The following JAKMIP1 variants were observed in gnomAD, a reference collection of about 807,000 sequenced individuals.
JAKMIP1 encodes the protein janus kinase and microtubule interacting protein 1.
Under a neutral mutation model 113.0 loss-of-function variants are expected in JAKMIP1, and 33 were observed. That is an observed-to-expected ratio of 0.29 (90% confidence interval 0.22 to 0.39). The LOEUF is 0.39. Among genes scored for constraint, JAKMIP1 ranks in the 10% least tolerant of loss-of-function variants. The pLI, the probability that JAKMIP1 is intolerant of heterozygous loss-of-function variation, is 1.00. For missense variants in JAKMIP1, 813 were observed against 1,080.5 expected, an observed-to-expected ratio of 0.75 and a Z score of 3.47; for synonymous variants, 480 against 459.9, an observed-to-expected ratio of 1.04 and a Z score of -0.56.
At chr4:6,174,998 G>A (rs10003900) in intron 1 of JAKMIP1, among the ~76,000 whole-genome samples, 147,230 of 152,220 alleles carry the variant, frequency 0.97, 71,393 homozygotes, top group East Asian at 1. Context: ...ACAGTAAAAC[G>A]TATCCACAGG....
rs1166147089 is a variant in JAKMIP1 at position 6,116,207 on chromosome 4, G to A, written c.-147-3210C>T. ...CCATGGACACACTGTTGATAGTCCCGACGCTCACAGCACCACACAGCATCA... is the reference window on the plus strand; with the variant it reads ...CCATGGACACACTGTTGATAGTCCCAACGCTCACAGCACCACACAGCATCA... On this transcript the variant is annotated intron_variant, in intron 1 of 20. Transcript: ENST00000409021. The surrounding 1 kb of genome is among the most constrained non-coding windows in gnomAD (Gnocchi z 5.1). Among the ~76,000 whole-genome samples, 2 of 152,048 alleles carry A rather than the reference G, an allele frequency of 1.3e-5. No individual in the cohort carries two copies. Among genetic ancestry groups the A allele is most frequent in the East Asian group, 1.9e-4 (1 of 5,178 alleles).
chr4:6,141,226 A>G lies in JAKMIP1; in HGVS notation c.-147-28229T>C, dbSNP rs1720103284. 6.6e-6 allele frequency among the ~76,000 whole-genome samples: 1 copy of G among 152,204 alleles called. No individual in the cohort carries two copies. On this transcript the variant is annotated intron_variant, in intron 1 of 20. Transcript: ENST00000409021. This position sits in a 1 kb window ranked among gnomAD's most constrained non-coding sequence, Gnocchi z 9.4. Reference sequence around the variant, plus strand: ...TGAGGCAGGCAGATCACTTGAGCCCAGGAATTCGAGACCAGCCTGGCCAAC... The same window carrying G: ...TGAGGCAGGCAGATCACTTGAGCCCGGGAATTCGAGACCAGCCTGGCCAAC...
rs1343179960 is a variant in JAKMIP1, at chr4:6,186,695, G to A, written c.-148+13558C>T. On this transcript the variant is annotated intron_variant, in intron 1 of 20. Coordinates refer to ENST00000409021, the MANE Select transcript of JAKMIP1 (RefSeq NM_001099433.2). The surrounding 1 kb of genome is among the most constrained non-coding windows in gnomAD (Gnocchi z 5.5). ...TAGGTTTCCACTAGGTCTAATTGGT[G>A]TGCAGTGTTGTTCAAGTTCCCTGCT... is the stretch of plus-strand genomic sequence containing the variant. Among the ~76,000 whole-genome samples, 1 of 152,196 alleles carries A rather than the reference G, an allele frequency of 6.6e-6. No homozygotes were observed. Among genetic ancestry groups the A allele is most frequent in the Non-Finnish European group, 1.5e-5 (1 of 68,026 alleles).
chr4:6,120,336 AATATGCTTCCT>A (rs1716528258), intron 1 of JAKMIP1, among the ~76,000 whole-genome samples: 1 of 152,208 alleles, frequency 6.6e-6, no homozygotes, highest in Non-Finnish European at 1.5e-5. Context: ...CAGGCGCAGT[AATATGCTTCCT>A]GGAAATTTAT....
chr4:6,196,957 C>T (rs570052471), intron 1 of JAKMIP1, among the ~76,000 whole-genome samples: 23 of 152,202 alleles, frequency 1.5e-4, no homozygotes, highest in African/African-American at 5.3e-4. Context: ...GGTCAGTGTG[C>T]TCCGTGGGGC....
rs1159124728 is a variant in JAKMIP1 at position 6,059,306 on chromosome 4, A to G, written c.1644+1118T>C. Among the ~76,000 whole-genome samples the G allele has an allele frequency of 6.6e-6, 1 of 152,172 alleles. No homozygotes were observed. Among genetic ancestry groups the G allele is most frequent in the Non-Finnish European group, 1.5e-5 (1 of 68,012 alleles). ...CCGCCTCCATGGGAACCTCAGTCTC[A>G]ACCCCGAGCCCTGCGGCAGCCATTC... On this transcript the variant is annotated intron_variant, in intron 11 of 20. Transcript: ENST00000409021. This position sits in a 1 kb window ranked among gnomAD's most constrained non-coding sequence, Gnocchi z 4.8.
rs1328279091 is a variant in JAKMIP1 at position 6,138,111 on chromosome 4, C to A, written c.-147-25114G>T. Among the ~76,000 whole-genome samples the A allele has an allele frequency of 1.3e-5, 2 of 152,214 alleles. No homozygotes were observed. The highest frequency in any genetic ancestry group is 1.9e-4 in the East Asian group (1 of 5,196). On this transcript the variant is annotated intron_variant, in intron 1 of 20. Transcript: ENST00000409021. This position sits in a 1 kb window ranked among gnomAD's most constrained non-coding sequence, Gnocchi z 6.0. ...AGACAAGACTCTGCTCCCTGACCTTCCACTACTGGCACCTACTTCCCTGTG... is the reference window on the plus strand; with the variant it reads ...AGACAAGACTCTGCTCCCTGACCTTACACTACTGGCACCTACTTCCCTGTG...
intron 1 of JAKMIP1, among the ~76,000 whole-genome samples, chr4:6,148,058 C>T (rs1163453474): frequency 2.6e-5 from 4 of 152,184 alleles, no homozygotes; most frequent in African/African-American, 7.2e-5. Context: ...TAGGACCAAC[C>T]ACAGGTACTA....
intron 1 of JAKMIP1, among the ~76,000 whole-genome samples, chr4:6,144,748 T>A (rs185783554): frequency 3.3e-5 from 5 of 152,180 alleles, no homozygotes; most frequent in African/African-American, 1.2e-4. Flanking sequence ...ATAAAGAGCA[T>A]CTACCAAAAC....
At chr4:6,173,492 A>ATG in intron 1 of JAKMIP1, among the ~76,000 whole-genome samples, 1 of 152,352 alleles carries the variant, frequency 6.6e-6, no homozygotes, top group East Asian at 1.9e-4. Flanking sequence ...CCAAGACCAC[A>ATG]GGACTGACAG....
intron 2 of JAKMIP1, 102 bp downstream of exon 2, chr4:6,112,620 C>A (rs1342291077): frequency 1.4e-6 from 2 of 1,406,312 alleles, no homozygotes; most frequent in Admixed American, 3.7e-5. Flanking sequence ...CCCCCCTCGG[C>A]CCCCCTCCTG....
chr4:6,114,771 C>A (rs1024950830), intron 1 of JAKMIP1, among the ~76,000 whole-genome samples: 1 of 152,238 alleles, frequency 6.6e-6, no homozygotes, highest in Non-Finnish European at 1.5e-5. Context: ...ATACATAATT[C>A]ATTCCTCACC....
At chr4:6,147,258 A>T (rs1447450994) in intron 1 of JAKMIP1, among the ~76,000 whole-genome samples, 1 of 152,108 alleles carries the variant, frequency 6.6e-6, no homozygotes, top group Non-Finnish European at 1.5e-5. Flanking sequence ...CACCGCACCA[A>T]GCCTTAACTC....
intron 3 of JAKMIP1, among the ~76,000 whole-genome samples, chr4:6,104,304 C>A (rs1407957053): frequency 6.6e-6 from 1 of 152,182 alleles, no homozygotes; most frequent in African/African-American, 2.4e-5. Context: ...TCGTCCCCAA[C>A]CGTAACTGTG....
In JAKMIP1 at chr4:6,181,696, G is replaced by GCAAGCTCCATTCATT. The variant is rs1374448901; in HGVS notation, c.-148+18542_-148+18556dup. Among the ~76,000 whole-genome samples the GCAAGCTCCATTCATT allele has an allele frequency of 6.6e-6, 1 of 152,170 alleles. No individual in the cohort carries two copies. Among genetic ancestry groups the GCAAGCTCCATTCATT allele is most frequent in the East Asian group, 1.9e-4 (1 of 5,194 alleles). On this transcript the variant is annotated intron_variant, in intron 1 of 20. Transcript: ENST00000409021. This position sits in a 1 kb window ranked among gnomAD's most constrained non-coding sequence, Gnocchi z 5.4. ...ATCAGAGAGGGAGAGCAGCAGCAAC[G>GCAAGCTCCATTCATT]CAAGCTCCATTCATTCATTCATTCA...
chr4:6,172,889 C>T (rs572779425), intron 1 of JAKMIP1, among the ~76,000 whole-genome samples: 14 of 152,230 alleles, frequency 9.2e-5, no homozygotes, highest in South Asian at 4.1e-4. Context: ...GAACAGCTGC[C>T]GCTCTCACAC....
intron 8 of JAKMIP1, among the ~76,000 whole-genome samples, chr4:6,066,540 C>T (rs17766335): frequency 0.26 from 38,746 of 151,920 alleles, 5,391 homozygotes; most frequent in South Asian, 0.36. Flanking sequence ...GGAATCCTAG[C>T]GGGCAGTGAC....
intron 16 of JAKMIP1, 109 bp downstream of exon 16, chr4:6,048,748 G>T: frequency 2.3e-6 from 2 of 862,344 alleles, no homozygotes; most frequent in Non-Finnish European, 3.8e-6. Context: ...AGACGCAGAC[G>T]GACTGGAACG....
At chr4:6,152,791 T>TATATATATATATATATATATATAC in intron 1 of JAKMIP1, among the ~76,000 whole-genome samples, 1 of 109,576 alleles carries the variant, frequency 9.1e-6, no homozygotes, top group Non-Finnish European at 2.1e-5. Flanking sequence ...AAAATACAAA[T>TATATATATATATATATATATATAC]ATATATATAT....
Sources: gnomAD v4.1 joint callset for allele counts (sites outside exome capture counted in the v4.1 genomes callset) on GRCh38, gnomAD v4.1.1 for gene constraint, Gnocchi (gnomAD v3.1) non-coding constraint, MANE v1.5 for transcripts, NCBI Gene and HGNC (gene_info 2026-07-23, HGNC 2026-07-21) for gene names.